RABGAP1L: variants seen among roughly 807,000 people sequenced by gnomAD.
RABGAP1L encodes the protein rab GTPase-activating protein 1-like.
RABGAP1L carries 63 observed loss-of-function variants against 137.7 expected under a neutral mutation model. That is an observed-to-expected ratio of 0.46 (90% CI 0.37 to 0.56). RABGAP1L has a LOEUF of 0.56. Among genes scored for constraint, RABGAP1L ranks in the 20% least tolerant of loss-of-function variants. RABGAP1L has a pLI of 0.00. For synonymous variants in RABGAP1L, 431 were observed against 433.7 expected (o/e 0.99, Z 0.08); for missense variants, 1,095 against 1,244.0 (o/e 0.88, Z 1.80).
At chr1:174,948,560 A>G (rs973701426) in intron 19 of RABGAP1L, among the ~76,000 whole-genome samples, 3 of 151,800 alleles carry the variant, frequency 2.0e-5, no homozygotes, top group Non-Finnish European at 4.4e-5. Flanking sequence ...TTTGTAACAC[A>G]AAGGATCAAT....
At chr1:174,722,429 C>G (rs1230388044) in intron 17 of RABGAP1L, among the ~76,000 whole-genome samples, 1 of 150,752 alleles carries the variant, frequency 6.6e-6, no homozygotes, top group East Asian at 1.9e-4. Context: ...TAGCTTTTCC[C>G]ATTTTTCCTT....
At chr1:174,494,086 T>C (rs1298553458) in intron 13 of RABGAP1L, among the ~76,000 whole-genome samples, 1 of 152,218 alleles carries the variant, frequency 6.6e-6, no homozygotes, top group Non-Finnish European at 1.5e-5. Context: ...ACATCGTGTA[T>C]AGTTTTTTAA....
intron 11 of RABGAP1L, among the ~76,000 whole-genome samples, chr1:174,344,330 T>G (rs990572878): frequency 1.3e-5 from 2 of 152,208 alleles, no homozygotes; most frequent in African/African-American, 4.8e-5. Context: ...ACATCTGTTC[T>G]GCATAGTGTG....
intron 13 of RABGAP1L, among the ~76,000 whole-genome samples, chr1:174,451,685 A>G (rs531289810): frequency 7.3e-4 from 111 of 152,048 alleles, no homozygotes; most frequent in African/African-American, 2.2e-3. Flanking sequence ...TTTCCCTACA[A>G]TATTTCTCTG....
At position 174,864,927 on chromosome 1, in the gene RABGAP1L, G is replaced by T. The variant is rs750222993; in HGVS notation, c.2340+52967G>T. On this transcript the variant is annotated intron_variant, in intron 19 of 25. Coordinates refer to ENST00000681986, the MANE Select transcript of RABGAP1L (RefSeq NM_001366446.1). ...AGCTCAAGGGTTTGAGACCAGCCCG[G>T]ACAACATTGCCAAACCCTGTCTCTA... Among the ~76,000 whole-genome samples the T allele has an allele frequency of 1.5e-4, 23 of 152,214 alleles. 1 individual carries two copies. Among genetic ancestry groups the T allele is most frequent in the Admixed American group, 1.1e-3 (17 of 15,268 alleles).
chr1:174,209,100 C>T (rs1227951818), intron 1 of RABGAP1L, among the ~76,000 whole-genome samples: 1 of 152,166 alleles, frequency 6.6e-6, no homozygotes, highest in South Asian at 2.1e-4. Context: ...ATGTGCAGTA[C>T]ACAGTAGGGT....
intron 12 of RABGAP1L, among the ~76,000 whole-genome samples, chr1:174,389,438 C>G (rs1031027945): frequency 6.6e-6 from 1 of 152,088 alleles, no homozygotes; most frequent in Non-Finnish European, 1.5e-5. Flanking sequence ...CCCCTCATCT[C>G]TTGCTTTTTC....
At chr1:174,370,865 A>G in intron 11 of RABGAP1L, 114 bp from the exon 12 acceptor site, 1 of 451,644 alleles carries the variant, frequency 2.2e-6, no homozygotes, top group Non-Finnish European at 3.9e-6. Context: ...GCATGTAATA[A>G]TATGAAGAGA....
chr1:174,798,940 A>C (rs1262792239), intron 18 of RABGAP1L, among the ~76,000 whole-genome samples: 2 of 152,244 alleles, frequency 1.3e-5, no homozygotes, highest in African/African-American at 4.8e-5. Flanking sequence ...ATTTATTCAC[A>C]ACAAGTAAAC....
chr1:174,907,523 C>T (rs1659296437), intron 19 of RABGAP1L, among the ~76,000 whole-genome samples: 1 of 152,014 alleles, frequency 6.6e-6, no homozygotes, highest in African/African-American at 2.4e-5. Flanking sequence ...CCATGTTGCC[C>T]AGGCTGGTCA....
intron 18 of RABGAP1L, among the ~76,000 whole-genome samples, chr1:174,770,408 A>G (rs1686022817): frequency 6.6e-6 from 1 of 152,352 alleles, no homozygotes; most frequent in South Asian, 2.1e-4. Flanking sequence ...AATGTATATC[A>G]TCACAGTACC....
chr1:174,852,234 T>C (rs2148990685), intron 19 of RABGAP1L, among the ~76,000 whole-genome samples: 1 of 151,810 alleles, frequency 6.6e-6, no homozygotes, highest in African/African-American at 2.4e-5. Flanking sequence ...GATTCAAGAG[T>C]GTGGGGAATT....
chr1:174,943,235 C>T (rs891578877), intron 19 of RABGAP1L, among the ~76,000 whole-genome samples: 1 of 152,194 alleles, frequency 6.6e-6, no homozygotes, highest in Non-Finnish European at 1.5e-5. Context: ...TGGTTGAATG[C>T]TCTATCACTA....
intron 19 of RABGAP1L, among the ~76,000 whole-genome samples, chr1:174,830,493 T>G (rs773215949): frequency 2.0e-5 from 3 of 147,920 alleles, no homozygotes; most frequent in Middle Eastern, 3.5e-3. Context: ...TTTTTTTCTT[T>G]TGAGGCAGAG....
chr1:174,189,037 G>C (rs1232780978), intron 1 of RABGAP1L, among the ~76,000 whole-genome samples: 1 of 152,128 alleles, frequency 6.6e-6, no homozygotes, highest in East Asian at 1.9e-4. Context: ...ATGGAGTCTT[G>C]CTCTGTTGCC....
At chr1:174,169,242 CG>C (rs1665149944) in intron 1 of RABGAP1L, among the ~76,000 whole-genome samples, 1 of 151,060 alleles carries the variant, frequency 6.6e-6, no homozygotes, top group South Asian at 2.1e-4. Context: ...TTTTTTGACA[CG>C]GAGTCTTGCT....
intron 17 of RABGAP1L, among the ~76,000 whole-genome samples, chr1:174,722,976 A>G (rs898817803): frequency 2.0e-5 from 3 of 152,192 alleles, no homozygotes; most frequent in African/African-American, 7.2e-5. Context: ...GAGACACAGA[A>G]CTGATGAACA....
chr1:174,424,467 G>GC (rs1169373710), intron 13 of RABGAP1L, among the ~76,000 whole-genome samples: 2 of 152,028 alleles, frequency 1.3e-5, no homozygotes, highest in Non-Finnish European at 2.9e-5. Flanking sequence ...AATATACACT[G>GC]CATTGGCTTT....
chr1:174,349,968 C>T (rs1207859762), intron 11 of RABGAP1L, among the ~76,000 whole-genome samples: 3 of 134,850 alleles, frequency 2.2e-5, no homozygotes, highest in South Asian at 5.0e-4. Flanking sequence ...GGGCTGACCC[C>T]CCCATCTCCC....
Sources: gnomAD v4.1 joint callset for allele counts (sites outside exome capture counted in the v4.1 genomes callset) on GRCh38, gnomAD v4.1.1 for gene constraint, MANE v1.5 for transcripts, NCBI Gene and HGNC (gene_info 2026-07-23, HGNC 2026-07-21) for gene names.